PAH: variants seen among roughly 807,000 people sequenced by gnomAD.
The protein encoded by PAH is phenylalanine hydroxylase, also known as phenylalanine-4-hydroxylase.
PAH carries 64 observed loss-of-function variants against 62.0 expected under a neutral mutation model. The ratio of observed to expected loss-of-function variants is 1.03; its 90% CI spans 0.84 to 1.27. The LOEUF is 1.27. Among genes scored for constraint, PAH ranks in the 50% most tolerant of loss-of-function variants. The pLI is 0.00. For missense variants in PAH, 579 were observed against 542.8 expected, an observed-to-expected ratio of 1.07 and a Z score of -0.66; for synonymous variants, 195 against 196.2, an observed-to-expected ratio of 0.99 and a Z score of 0.05.
rs189374575 is a variant in PAH, at chr12:102,856,467, A to T, written c.510-1135T>A. ...CTGCAGACTTAAATGTCCCTGTCTG[A>T]CAGCTTTGAAGAGAGTAGTGGTTCT... On this transcript the variant is annotated intron_variant, in intron 5 of 12. Transcript: ENST00000553106. 3.4e-3 allele frequency among the ~76,000 whole-genome samples: 513 copies of T among 152,324 alleles called. 3 individuals are homozygous for T. Among genetic ancestry groups the T allele is most frequent in the African/African-American group, 0.012 (480 of 41,570 alleles).
At chr12:102,919,797 G>C (rs1274245882), upstream of PAH, among the ~76,000 whole-genome samples, 2 of 152,028 alleles carry the variant, frequency 1.3e-5, no homozygotes, top group Admixed American at 6.6e-5. Context: ...TTTTATTGCT[G>C]AATAGTACTC....
upstream of PAH, among the ~76,000 whole-genome samples, chr12:102,951,305 A>T (rs986413917): frequency 1.3e-5 from 2 of 152,128 alleles, no homozygotes; most frequent in Admixed American, 6.5e-5. Context: ...GCTACCAGGG[A>T]GACTCCTTAC....
chr12:102,888,951 T>G (rs1048398311), intron 3 of PAH, among the ~76,000 whole-genome samples: 3 of 151,866 alleles, frequency 2.0e-5, no homozygotes, highest in Admixed American at 2.0e-4. Flanking sequence ...GGAGAAGGTT[T>G]AGAACTGAGA....
At chr12:102,885,921 G>A (rs1326310250) in intron 3 of PAH, 1 of 152,514 alleles carries the variant, frequency 6.6e-6, no homozygotes, top group Non-Finnish European at 1.5e-5. Context: ...CCTCCTCCCA[G>A]GCTCCCGGAT....
At chr12:102,883,066 A>C (rs566677078) in intron 3 of PAH, among the ~76,000 whole-genome samples, 1 of 152,202 alleles carries the variant, frequency 6.6e-6, no homozygotes, top group South Asian at 2.1e-4. Flanking sequence ...GAGGTTTCTA[A>C]TCTTGGGCTT....
intron 4 of PAH, among the ~76,000 whole-genome samples, chr12:102,870,446 A>G (rs1353151115): frequency 6.6e-6 from 1 of 152,202 alleles, no homozygotes; most frequent in Non-Finnish European, 1.5e-5. Flanking sequence ...TGTACAGTTT[A>G]AGTCAGGTAA....
At chr12:102,876,148 A>G (rs1045637173) in intron 4 of PAH, among the ~76,000 whole-genome samples, 1 of 152,154 alleles carries the variant, frequency 6.6e-6, no homozygotes, top group Non-Finnish European at 1.5e-5. Flanking sequence ...TCCAGAGAGA[A>G]AAATAGAAAT....
rs575658683 is a variant in PAH, at chr12:102,895,018, G to A, written c.169-100C>T. On this transcript the variant is annotated intron_variant, in intron 2 of 12. Transcript: ENST00000553106. ...GGAAAACCTAACGCAACAAAATGGA[G>A]AGTTCAAGAATACAATTATTTTTAT... is the stretch of plus-strand genomic sequence containing the variant. 6 of 881,156 alleles carry A rather than the reference G, an allele frequency of 6.8e-6. No individual in the cohort carries two copies. The African/African-American group carries it at 9.9e-5, about 15-fold the overall frequency. The allele number at this position is 881,156 out of a possible 1,614,324, so 54.6% of individuals were successfully genotyped here.
At chr12:102,934,778 A>T (rs569606747) in intron 1 of PAH, among the ~76,000 whole-genome samples, 1 of 152,186 alleles carries the variant, frequency 6.6e-6, no homozygotes, top group African/African-American at 2.4e-5. Context: ...ATATCCTGAA[A>T]CTTCACTGAA....
At chr12:102,918,445 G>GA (rs1304226324), upstream of PAH, among the ~76,000 whole-genome samples, 3 of 131,964 alleles carry the variant, frequency 2.3e-5, no homozygotes, top group African/African-American at 6.5e-5. Flanking sequence ...CCAAGCATCT[G>GA]AAAATAAATA....
intron 5 of PAH, among the ~76,000 whole-genome samples, chr12:102,858,580 A>T (rs1035879957): frequency 6.6e-6 from 1 of 152,196 alleles, no homozygotes; most frequent in African/African-American, 2.4e-5. Context: ...GAAGTAAAGC[A>T]CTCCTCAGCA....
chr12:102,945,655 T>G (rs898110793), intron 1 of PAH, among the ~76,000 whole-genome samples: 2 of 152,062 alleles, frequency 1.3e-5, no homozygotes, highest in African/African-American at 4.8e-5. Context: ...TCGGGCAGCT[T>G]GTTGTGAATG....
intron 1 of PAH, among the ~76,000 whole-genome samples, chr12:102,932,859 T>A (rs1249541351): frequency 6.6e-6 from 1 of 152,184 alleles, no homozygotes; most frequent in East Asian, 1.9e-4. Flanking sequence ...ATTTATGGAG[T>A]ACATAAGATA....
At chr12:102,931,499 C>G (rs1444744154) in intron 1 of PAH, among the ~76,000 whole-genome samples, 1 of 152,130 alleles carries the variant, frequency 6.6e-6, no homozygotes, top group Non-Finnish European at 1.5e-5. Flanking sequence ...GTAAGGATGT[C>G]TTAGGTAGAA....
chr12:102,844,140 G>A (rs770437265), intron 10 of PAH, among the ~76,000 whole-genome samples, 196 bp downstream of exon 10: 5 of 152,118 alleles, frequency 3.3e-5, no homozygotes, highest in Non-Finnish European at 7.3e-5. Context: ...ATGTGTACTT[G>A]CAATTCCATT....
At chr12:102,897,228 C>A (rs1200957596) in intron 2 of PAH, among the ~76,000 whole-genome samples, 1 of 151,988 alleles carries the variant, frequency 6.6e-6, no homozygotes, top group Non-Finnish European at 1.5e-5. Context: ...TCACCTGTAC[C>A]ACCTTTAAGG....
intron 2 of PAH, among the ~76,000 whole-genome samples, chr12:102,912,106 T>C (rs115821915): frequency 5.3e-4 from 81 of 152,304 alleles, no homozygotes; most frequent in African/African-American, 1.9e-3. Context: ...GTTTGGAAAA[T>C]AATACATACA....
Position 102,917,174 on chromosome 12 carries a change from G to A in PAH, c.-44C>T. ...AGGTCTCTGGCTTTTTAGGGCCTCA[G>A]GTACAGGCAGGTTTGCAAACAGCAC... is the stretch of plus-strand genomic sequence containing the variant. On this transcript the variant is annotated 5_prime_UTR_variant, in exon 1 of 13. Transcript: ENST00000553106. 6.3e-7 allele frequency: 1 copy of A among 1,580,150 alleles called. No homozygotes were observed. Among genetic ancestry groups the A allele is most frequent in the Non-Finnish European group, 8.7e-7 (1 of 1,149,172 alleles).
At chr12:102,907,909 T>C (rs1222545088) in intron 2 of PAH, among the ~76,000 whole-genome samples, 1 of 152,144 alleles carries the variant, frequency 6.6e-6, no homozygotes, top group Non-Finnish European at 1.5e-5. Flanking sequence ...TGAGCCACCA[T>C]GCCCAGCCTT....
Sources: gnomAD v4.1 joint callset for allele counts (sites outside exome capture counted in the v4.1 genomes callset) on GRCh38, gnomAD v4.1.1 for gene constraint, MANE v1.5 for transcripts, NCBI Gene and HGNC (gene_info 2026-07-23, HGNC 2026-07-21) for gene names.